The following WDFY4 variants were observed in gnomAD, a reference collection of about 807,000 sequenced individuals.
The protein encoded by WDFY4 is WDFY family member 4.
WDFY4 carries 169 observed loss-of-function variants against 351.9 expected under a neutral mutation model. The observed-to-expected ratio is 0.48, with a 90% CI of 0.42 to 0.55. The LOEUF (loss-of-function observed/expected upper bound fraction) is 0.55. WDFY4 is among the 20% of genes least tolerant of loss of function. The probability of loss-of-function intolerance (pLI) is 0.00; values close to 1 mark genes in which losing one functional copy is unlikely to be tolerated. For synonymous variants in WDFY4, 1,622 were observed against 1,574.6 expected (o/e 1.03, Z -0.71); for missense variants, 3,803 against 3,935.6 (o/e 0.97, Z 0.90).
Position 48,719,725 on chromosome 10 carries a change from G to A in WDFY4, c.235-286G>A, listed in dbSNP as rs531326068. On this transcript the variant is annotated intron_variant, in intron 2 of 61. Transcript: ENST00000325239. ...GCACCTGGCAGGGCCATCCACCGAC[G>A]CCAGATGCAGCAGGCTGTGGGGAAG... is the stretch of plus-strand genomic sequence containing the variant. Among the ~76,000 whole-genome samples the A allele has an allele frequency of 2.4e-3, 362 of 152,288 alleles. 1 individual carries two copies. Among genetic ancestry groups the A allele is most frequent in the African/African-American group, 8.3e-3 (346 of 41,562 alleles).
intron 43 of WDFY4, among the ~76,000 whole-genome samples, chr10:48,879,296 G>C (rs771745140): frequency 2.2e-4 from 34 of 152,320 alleles, no homozygotes; most frequent in African/African-American, 7.5e-4. Flanking sequence ...GATGCTCCTG[G>C]TGTCTAGTGG....
At chr10:48,963,090 A>G (rs1841932102) in intron 53 of WDFY4, among the ~76,000 whole-genome samples, 1 of 152,180 alleles carries the variant, frequency 6.6e-6, no homozygotes, top group Non-Finnish European at 1.5e-5. Context: ...TGAGGAATGA[A>G]AACTGGGGGC....
In WDFY4 at chr10:48,731,125, A is replaced by C. The variant is rs1041016491; in HGVS notation, c.1145A>C (p.Asn382Thr). ...HHEASGVTVK[N>T]LQAFQVLQNV... The stretch of plus-strand genomic sequence containing the variant: ...TCCTCCTCAGGGGTGACTGTTAAGA[A>C]TCTTCAGGCCTTCCAGGTCCTACAG... The change falls in exon 9 of 62, where the codon AAT (asparagine) becomes ACT (threonine). Residue 382 changes from asparagine (N) to threonine (T), a missense_variant. This residue lies in a region of WDFY4 where 488 missense variants were observed against 456.8 expected (regional missense o/e 1.07). Transcript: ENST00000325239. 9.1e-6 allele frequency: 14 copies of C among 1,544,702 alleles called. No individual in the cohort carries two copies. The highest frequency in any genetic ancestry group is 1.2e-5 in the Non-Finnish European group (14 of 1,142,128).
intron 44 of WDFY4, among the ~76,000 whole-genome samples, chr10:48,895,415 A>G (rs1307766032): frequency 6.6e-6 from 1 of 152,172 alleles, no homozygotes; most frequent in African/African-American, 2.4e-5. Context: ...TGGCAGGACC[A>G]CCTTGGGGCA....
At position 48,813,970 on chromosome 10, in the gene WDFY4, C is replaced by G. The variant is rs1219153963; in HGVS notation, c.5228C>G (p.Ala1743Gly). 1.3e-6 allele frequency: 2 copies of G among 1,547,818 alleles called. No homozygotes were observed. The highest frequency in any genetic ancestry group is 2.4e-5 in the East Asian group (1 of 40,824). Residue 1743 changes from alanine to glycine, a missense_variant, in exon 31 of 62, where the codon GCC becomes GGC. Physicochemically the swap from Ala to Gly is moderately conservative, Grantham distance 60. Around this residue, in one of 3 missense-constraint regions of WDFY4, gnomAD observed 3,054 missense variants for 3,148.6 expected, o/e 0.97. Coordinates refer to ENST00000325239, the MANE Select transcript of WDFY4 (RefSeq NM_001394531.1). ...LMDGPKDSLD[A>G]MLQWLLQRHH... is the part of the protein sequence containing the mutation. Reference sequence around the variant, plus strand: ...CTCCTCTTCCAGGACAGCCTTGATGCCATGCTTCAGTGGCTCCTGCAGAGG... The same window carrying G: ...CTCCTCTTCCAGGACAGCCTTGATGGCATGCTTCAGTGGCTCCTGCAGAGG...
intron 1 of WDFY4, among the ~76,000 whole-genome samples, chr10:48,689,867 G>A (rs1050353632): frequency 6.6e-6 from 1 of 152,224 alleles, no homozygotes; most frequent in African/African-American, 2.4e-5. Context: ...GATGAGATAA[G>A]TTTCATTATT....
intron 47 of WDFY4, among the ~76,000 whole-genome samples, chr10:48,922,893 GC>G (rs1839220052): frequency 6.6e-6 from 1 of 152,194 alleles, no homozygotes; most frequent in Non-Finnish European, 1.5e-5. Context: ...TTGGGGAAAG[GC>G]TTGACTAGAA....
At position 48,786,492 on chromosome 10, in the gene WDFY4, G is replaced by A. The variant is rs184867385; in HGVS notation, c.3577-147G>A. On this transcript the variant is annotated intron_variant, in intron 19 of 61. Transcript: ENST00000325239. ...TAACTTGTTTTGCGCATACTTCTGA[G>A]ATTTGAGAATTATATTTTAGTTTTT... is the stretch of plus-strand genomic sequence containing the variant. 165 of 628,428 alleles carry A rather than the reference G, an allele frequency of 2.6e-4. No individual in the cohort carries two copies. In the African/African-American group the frequency reaches 2.9e-3, roughly 11 times the overall value. The allele number at this position is 628,428 out of a possible 1,614,324, so 38.9% of individuals were successfully genotyped here. A position where few individuals can be genotyped will look rare whatever the true frequency, so the allele number is the denominator to read the frequency against.
intron 14 of WDFY4, 68 bp from the exon 15 acceptor site, chr10:48,775,644 G>A: frequency 7.0e-7 from 1 of 1,437,828 alleles, no homozygotes; most frequent in East Asian, 2.5e-5. Flanking sequence ...ACAGTTGTCA[G>A]GATAAAGTTG....
At chr10:48,897,345 T>A in intron 44 of WDFY4, 109 bp from the exon 45 acceptor site, 1 of 1,443,024 alleles carries the variant, frequency 6.9e-7, no homozygotes, top group Non-Finnish European at 9.3e-7. Flanking sequence ...CTCTGATGTG[T>A]CATTGGAAAT....
At chr10:48,978,507 G>T in intron 60 of WDFY4, 114 bp downstream of exon 60, 1 of 1,034,724 alleles carries the variant, frequency 9.7e-7, no homozygotes, top group East Asian at 2.7e-5. Flanking sequence ...CCAGCCTAGG[G>T]AGGCCTAGGA....
At chr10:48,776,434 G>A (rs996325350) in intron 15 of WDFY4, among the ~76,000 whole-genome samples, 2 of 152,196 alleles carry the variant, frequency 1.3e-5, no homozygotes, top group African/African-American at 4.8e-5. Flanking sequence ...CAAAGCTCCA[G>A]TGAGTAACTC....
chr10:48,964,587 T>A (rs946544147), intron 54 of WDFY4, among the ~76,000 whole-genome samples: 2 of 152,212 alleles, frequency 1.3e-5, no homozygotes, highest in African/African-American at 4.8e-5. Flanking sequence ...CCTATCTGAA[T>A]AGGTCTAAAG....
chr10:48,821,088 A>G lies in WDFY4; in HGVS notation c.5736A>G (p.Gln1912=). 6.4e-7 allele frequency: 1 copy of G among 1,551,676 alleles called. No homozygotes were observed. Among genetic ancestry groups the G allele is most frequent in the Non-Finnish European group, 8.7e-7 (1 of 1,146,954 alleles). ...CTTCTCCAGACCACGCCACCAGCCA[A>G]CAGAAGCGAGACTTCCAGTCCGAGG... ...LEASPDHATS[Q]QKRDFQSEVL... Residue 1912 remains glutamine, a synonymous_variant, in exon 34 of 62, where the codon CAA becomes CAG. Coordinates refer to ENST00000325239, the MANE Select transcript of WDFY4 (RefSeq NM_001394531.1).
chr10:48,889,354 G>A (rs1002310105), intron 43 of WDFY4, among the ~76,000 whole-genome samples: 3 of 152,208 alleles, frequency 2.0e-5, no homozygotes, highest in Admixed American at 1.3e-4. Context: ...TTTGGTGCAG[G>A]AGTTGGAAAA....
At chr10:48,740,532 T>C (rs2064818721) in intron 11 of WDFY4, among the ~76,000 whole-genome samples, 1 of 152,102 alleles carries the variant, frequency 6.6e-6, no homozygotes, top group African/African-American at 2.4e-5. Context: ...AGCCATGAGC[T>C]TTCACTTATG....
intron 12 of WDFY4, among the ~76,000 whole-genome samples, chr10:48,756,618 T>G (rs2065345636): frequency 6.6e-6 from 1 of 152,090 alleles, no homozygotes; most frequent in Non-Finnish European, 1.5e-5. Context: ...ATGCCCATTG[T>G]TAGGTTATAA....
chr10:48,826,193 C>A (rs79835800), intron 35 of WDFY4, among the ~76,000 whole-genome samples: 1 of 152,180 alleles, frequency 6.6e-6, no homozygotes, highest in Non-Finnish European at 1.5e-5. Flanking sequence ...GTTCTCCCAG[C>A]ACCATTTATT....
At chr10:48,769,878 C>T (rs997573621) in intron 13 of WDFY4, among the ~76,000 whole-genome samples, 6 of 152,322 alleles carry the variant, frequency 3.9e-5, no homozygotes, top group Non-Finnish European at 5.9e-5. Flanking sequence ...AAGGCTGCCC[C>T]GCAAATCACT....
Sources: gnomAD v4.1 joint callset for allele counts (sites outside exome capture counted in the v4.1 genomes callset) on GRCh38, gnomAD v4.1.1 for gene constraint, gnomAD v4.1.1 regional missense constraint, MANE v1.5 for transcripts, NCBI Gene and HGNC (gene_info 2026-07-23, HGNC 2026-07-21) for gene names.